The following SCN8A variants were observed in gnomAD, a reference collection of about 807,000 sequenced individuals.
SCN8A encodes the protein sodium voltage-gated channel alpha subunit 8, also known as sodium channel protein type 8 subunit alpha.
In SCN8A, 30 loss-of-function variants were observed where a neutral mutation model predicts 184.1. The ratio of observed to expected loss-of-function variants is 0.16; its 90% CI spans 0.12 to 0.22. The LOEUF is 0.22. SCN8A is among the 10% of genes least tolerant of loss of function. The pLI is 1.00. For missense variants in SCN8A, 1,057 were observed against 2,498.9 expected, an observed-to-expected ratio of 0.42 and a Z score of 12.30; for synonymous variants, 852 against 907.0, an observed-to-expected ratio of 0.94 and a Z score of 1.09.
intron 2 of SCN8A, among the ~76,000 whole-genome samples, chr12:51,670,165 G>C (rs753027015): frequency 1.3e-5 from 2 of 152,168 alleles, no homozygotes; most frequent in African/African-American, 4.8e-5. Flanking sequence ...TGATGGGCAC[G>C]TATGGTCTTG....
chr12:51,760,875 A>G (rs553409166), intron 14 of SCN8A, among the ~76,000 whole-genome samples: 1 of 152,096 alleles, frequency 6.6e-6, no homozygotes, highest in East Asian at 1.9e-4. Context: ...ATTTTGATGT[A>G]TTTTAGTCAT....
At chr12:51,767,133 A>G (rs1485534838) in intron 16 of SCN8A, among the ~76,000 whole-genome samples, 2 of 152,172 alleles carry the variant, frequency 1.3e-5, no homozygotes, top group Non-Finnish European at 2.9e-5. Flanking sequence ...ATTCCCAGCC[A>G]CCTTTCCCTC....
Position 51,789,529 on chromosome 12 carries a change from T to C in SCN8A, c.4419+111T>C, listed in dbSNP as rs1480682814. ...CCTCTTTCTTTCTCTAAAATCTATA[T>C]TGTTAGCTCACTGTGACCCTGGCCC... On this transcript the variant is annotated intron_variant, in intron 24 of 26. Transcript: ENST00000627620. The C allele has an allele frequency of 4.9e-6, 6 of 1,225,396 alleles. No individual in the cohort carries two copies. In the African/African-American group the frequency reaches 7.6e-5, roughly 15 times the overall value. 75.9% of individuals were successfully genotyped at this position (1,225,396 alleles called of 1,614,324 possible).
At chr12:51,610,429 A>G (rs1053458667) in intron 1 of SCN8A, among the ~76,000 whole-genome samples, 1 of 151,956 alleles carries the variant, frequency 6.6e-6, no homozygotes, top group Non-Finnish European at 1.5e-5. Context: ...TTGCCTGTGT[A>G]CTTTGGTTTT....
In SCN8A at chr12:51,794,574, G is replaced by A. The variant is rs1410238440; in HGVS notation, c.4728G>A (p.Leu1576=). The change falls in exon 26 of 27, where the codon TTG becomes TTA. Residue 1576 remains leucine, a synonymous_variant. Coordinates refer to ENST00000627620, the MANE Select transcript of SCN8A (RefSeq NM_001330260.2). ...AGTGTGTGCTCAAAATGTTTGCGTT[G>A]AGGCACTACTACTTCACCATTGGCT... ...TCECVLKMFA[L]RHYYFTIGWN... 2 of 1,613,934 alleles carry A rather than the reference G, an allele frequency of 1.2e-6. No homozygotes were observed. The highest frequency in any genetic ancestry group is 1.7e-6 in the Non-Finnish European group (2 of 1,179,880).
At chr12:51,706,345 C>A in intron 10 of SCN8A, 77 bp from the exon 11 acceptor site, 1 of 1,361,392 alleles carries the variant, frequency 7.3e-7, no homozygotes, top group Non-Finnish European at 9.7e-7. Context: ...GGGAAATGTT[C>A]TGTACTAACT....
At position 51,686,443 on chromosome 12, in the gene SCN8A, G is replaced by A; in HGVS notation, c.471G>A (p.Trp157Ter). Residue 157 changes from tryptophan to a stop codon, truncating the protein, a stop_gained, in exon 4 of 27, where the codon TGG becomes TGA. Transcript: ENST00000627620. LOFTEE classifies it high-confidence loss of function. ...VFMTFSNPPD[W>*]SKNVEYTFTG... ...TGACTTTTAGTAACCCTCCTGACTG[G>A]TCGAAGAATGTGGAGTAAGTAACTC... The A allele has an allele frequency of 6.2e-7, 1 of 1,603,888 alleles. No homozygotes were observed. The highest frequency in any genetic ancestry group is 8.5e-7 in the Non-Finnish European group (1 of 1,171,082).
At chr12:51,671,412 G>C (rs1319319197) in intron 2 of SCN8A, among the ~76,000 whole-genome samples, 2 of 152,150 alleles carry the variant, frequency 1.3e-5, no homozygotes. Flanking sequence ...ATAGGGTATA[G>C]ACATAGACAG....
chr12:51,697,017 C>A (rs1323892490), intron 6 of SCN8A, among the ~76,000 whole-genome samples: 1 of 132,608 alleles, frequency 7.5e-6, no homozygotes. Flanking sequence ...CCAGCCTGGA[C>A]GACAGAGCGA....
At chr12:51,738,239 C>T (rs1045590370) in intron 12 of SCN8A, among the ~76,000 whole-genome samples, 3 of 152,160 alleles carry the variant, frequency 2.0e-5, no homozygotes, top group Non-Finnish European at 4.4e-5. Flanking sequence ...GGAATTAGAA[C>T]TTGTGCTCCC....
intron 22 of SCN8A, chr12:51,788,451 C>G (rs534531357): frequency 5.1e-5 from 15 of 295,044 alleles, no homozygotes; most frequent in Non-Finnish European, 9.3e-5. Flanking sequence ...TGAGTCCTTT[C>G]GTAAAGCCTT....
intron 19 of SCN8A, among the ~76,000 whole-genome samples, chr12:51,772,638 C>T (rs983332832): frequency 5.3e-5 from 8 of 151,892 alleles, no homozygotes; most frequent in Non-Finnish European, 8.8e-5. Flanking sequence ...GCACCGAGAC[C>T]CTGAGTAGGA....
intron 12 of SCN8A, among the ~76,000 whole-genome samples, chr12:51,737,247 G>C (rs547438626): frequency 6.6e-6 from 1 of 152,020 alleles, no homozygotes; most frequent in Non-Finnish European, 1.5e-5. Flanking sequence ...GTTAGAGTCC[G>C]TGAATTAGTA....
chr12:51,687,925 G>T (rs747844809), intron 5 of SCN8A, among the ~76,000 whole-genome samples: 1 of 152,176 alleles, frequency 6.6e-6, no homozygotes, highest in Non-Finnish European at 1.5e-5. Context: ...TGGGGGTGGT[G>T]TATAGGTTTT....
Position 51,734,555 on chromosome 12 carries a change from C to T in SCN8A, c.1999-11348C>T, listed in dbSNP as rs571123269. ...CCTTTAAGCGGTTTTCCACCCTGGG[C>T]GGGCCAGGTGTTCCTTGCCGTCATT... On this transcript the variant is annotated intron_variant, in intron 12 of 26. Coordinates refer to ENST00000627620, the MANE Select transcript of SCN8A (RefSeq NM_001330260.2). Among the ~76,000 whole-genome samples the T allele has an allele frequency of 7.0e-4, 106 of 152,330 alleles. No homozygotes were observed. In the South Asian group the frequency reaches 0.017, roughly 24 times the overall value.
chr12:51,770,736 A>T, intron 19 of SCN8A, 53 bp downstream of exon 19: 1 of 1,581,730 alleles, frequency 6.3e-7, no homozygotes. Context: ...GGGTGTAGAG[A>T]AGCCAGTGGG....
At chr12:51,804,180 G>A (rs1317447641) in intron 26 of SCN8A, among the ~76,000 whole-genome samples, 1 of 152,178 alleles carries the variant, frequency 6.6e-6, no homozygotes, top group Non-Finnish European at 1.5e-5. Flanking sequence ...TAGCTTTAAA[G>A]AACAAGTGGC....
rs988000906 is a variant in SCN8A, at chr12:51,806,125, G to A, written c.4796-157G>A. On this transcript the variant is annotated intron_variant, in intron 26 of 26. Transcript: ENST00000627620. This position sits in a 1 kb window ranked among gnomAD's most constrained non-coding sequence, Gnocchi z 8.7. ...TTACAGGCGTGAGCCCCCATGCCCA[G>A]CCAAAATGTCACTTTTTGAGAGTTC... Among the ~76,000 whole-genome samples, 3 of 152,150 alleles carry A rather than the reference G, an allele frequency of 2.0e-5. No individual in the cohort carries two copies. Among genetic ancestry groups the A allele is most frequent in the Non-Finnish European group, 4.4e-5 (3 of 68,032 alleles).
chr12:51,778,452 T>C (rs1937781196), intron 20 of SCN8A, among the ~76,000 whole-genome samples: 1 of 151,944 alleles, frequency 6.6e-6, no homozygotes, highest in African/African-American at 2.4e-5. Flanking sequence ...GCCCAGCTAA[T>C]TTATTTTTGT....
Sources: allele counts gnomAD v4.1 joint callset (sites outside exome capture counted in the v4.1 genomes callset), GRCh38; gene constraint gnomAD v4.1.1; non-coding constraint Gnocchi (gnomAD v3.1); transcripts MANE v1.5; gene names NCBI Gene and HGNC (gene_info 2026-07-23, HGNC 2026-07-21).